Variants in CCDC169 observed in about 807,000 individuals in gnomAD.
The protein encoded by CCDC169 is coiled-coil domain-containing protein 169.
CCDC169 carries 30 observed loss-of-function variants against 36.0 expected under a neutral mutation model. The ratio of observed to expected loss-of-function variants is 0.83; its 90% confidence interval spans 0.62 to 1.13. The LOEUF (loss-of-function observed/expected upper bound fraction) is 1.13, where lower values mean the gene tolerates loss of function less well. Among genes scored for constraint, CCDC169 ranks in the 50% most tolerant of loss-of-function variants. The pLI, the probability that CCDC169 is intolerant of heterozygous loss-of-function variation, is 0.00. For missense variants in CCDC169, 245 were observed against 245.9 expected (o/e 1.00, Z 0.03); for synonymous variants, 85 against 81.5 (o/e 1.04, Z -0.23).
chr13:36,245,971 T>G (rs906958005), intron 7 of CCDC169, among the ~76,000 whole-genome samples: 1 of 152,228 alleles, frequency 6.6e-6, no homozygotes, highest in African/African-American at 2.4e-5. Flanking sequence ...TTGATGTTAC[T>G]ACTGTAATTG....
intron 4 of CCDC169, among the ~76,000 whole-genome samples, chr13:36,264,461 C>G (rs1875014517): frequency 6.6e-6 from 1 of 151,812 alleles, no homozygotes; most frequent in Admixed American, 6.6e-5. Context: ...AGGGAAGGAC[C>G]TGGATAAAGA....
At chr13:36,268,405 T>C (rs1219076224) in intron 4 of CCDC169, among the ~76,000 whole-genome samples, 1 of 152,166 alleles carries the variant, frequency 6.6e-6, no homozygotes, top group Non-Finnish European at 1.5e-5. Flanking sequence ...GATGGAAATT[T>C]AGAAATTCTT....
chr13:36,231,489 G>A (rs1209410432), intron 7 of CCDC169, among the ~76,000 whole-genome samples, 197 bp from the exon 8 acceptor site: 1 of 152,112 alleles, frequency 6.6e-6, no homozygotes, highest in African/African-American at 2.4e-5. Flanking sequence ...CATCTCCACC[G>A]CTACAGAGGC....
chr13:36,261,097 CAG>C (rs1424161398), intron 4 of CCDC169, among the ~76,000 whole-genome samples: 1 of 152,092 alleles, frequency 6.6e-6, no homozygotes, highest in Non-Finnish European at 1.5e-5. Context: ...TAATTTTCAC[CAG>C]AGAGCACCCA....
At chr13:36,258,765 G>A (rs1874242915) in intron 4 of CCDC169, among the ~76,000 whole-genome samples, 1 of 152,142 alleles carries the variant, frequency 6.6e-6, no homozygotes, top group South Asian at 2.1e-4. Flanking sequence ...CTGCTCTGCT[G>A]ATGGAGTGGC....
downstream of CCDC169, among the ~76,000 whole-genome samples, chr13:36,228,123 C>CAAA (rs1870046513): frequency 6.6e-6 from 1 of 152,182 alleles, no homozygotes; most frequent in Non-Finnish European, 1.5e-5. Flanking sequence ...AATGGTGCCA[C>CAAA]AAACCTTCCT....
chr13:36,296,470 A>G (rs1879500739), intron 1 of CCDC169, among the ~76,000 whole-genome samples: 1 of 152,248 alleles, frequency 6.6e-6, no homozygotes, highest in South Asian at 2.1e-4. Flanking sequence ...CAAGCAAATT[A>G]GGCACTGCAC....
intron 7 of CCDC169, among the ~76,000 whole-genome samples, chr13:36,231,746 G>A (rs1870455302): frequency 6.6e-6 from 1 of 152,180 alleles, no homozygotes; most frequent in South Asian, 2.1e-4. Context: ...GCAGCAAAAT[G>A]ACAGAGTCAT....
At chr13:36,296,631 A>G (rs1222543165) in intron 1 of CCDC169, among the ~76,000 whole-genome samples, 7 of 152,226 alleles carry the variant, frequency 4.6e-5, no homozygotes, top group African/African-American at 1.7e-4. Context: ...TTCAATAAAT[A>G]TTTTTGAGTG....
intron 4 of CCDC169, among the ~76,000 whole-genome samples, chr13:36,256,934 G>C (rs1290579108): frequency 6.6e-6 from 1 of 152,188 alleles, no homozygotes; most frequent in Non-Finnish European, 1.5e-5. Flanking sequence ...CCCACAGGTG[G>C]GCCAGCAGCA....
intron 4 of CCDC169, chr13:36,281,317 T>C (rs998418391): frequency 3.2e-5 from 14 of 438,578 alleles, no homozygotes; most frequent in Non-Finnish European, 5.4e-5. Context: ...TGTTTAAACC[T>C]TTCTCTTACA....
chr13:36,287,769 T>C (rs971757838), intron 2 of CCDC169, among the ~76,000 whole-genome samples: 1 of 152,180 alleles, frequency 6.6e-6, no homozygotes, highest in Non-Finnish European at 1.5e-5. Flanking sequence ...TTTGTATCAG[T>C]GTGTATACAA....
At chr13:36,284,216 C>G (rs1046760613) in intron 2 of CCDC169, among the ~76,000 whole-genome samples, 34 of 151,906 alleles carry the variant, frequency 2.2e-4, no homozygotes, top group East Asian at 1.2e-3. Context: ...CATTACTAAC[C>G]TATCCAATGT....
At chr13:36,264,265 G>T (rs545327994) in intron 4 of CCDC169, among the ~76,000 whole-genome samples, 8 of 152,082 alleles carry the variant, frequency 5.3e-5, no homozygotes, top group Non-Finnish European at 1.2e-4. Context: ...TACTTCAGAA[G>T]TTTTTAAAAG....
downstream of CCDC169, chr13:36,227,376 A>T (rs968408011): frequency 6.5e-7 from 1 of 1,544,764 alleles, no homozygotes; most frequent in African/African-American, 1.4e-5. Context: ...TTCTTTTAAG[A>T]GGAGGCTGTT....
chr13:36,275,271 A>G (rs1876641016), intron 4 of CCDC169, among the ~76,000 whole-genome samples: 2 of 152,228 alleles, frequency 1.3e-5, no homozygotes, highest in South Asian at 2.1e-4. Flanking sequence ...GGAGAATACA[A>G]TGTAGTTAAG....
At chr13:36,273,257 C>T (rs1301604164) in intron 4 of CCDC169, among the ~76,000 whole-genome samples, 1 of 152,182 alleles carries the variant, frequency 6.6e-6, no homozygotes, top group Non-Finnish European at 1.5e-5. Flanking sequence ...TCAAACTCAA[C>T]TTCACCTATT....
Position 36,231,012 on chromosome 13 carries a change from A to AC in CCDC169, c.*180dup. On this transcript the variant is annotated 3_prime_UTR_variant, in exon 8 of 8. Coordinates refer to ENST00000239859, the MANE Select transcript of CCDC169 (RefSeq NM_001144981.3). Reference sequence around the variant, plus strand: ...CACTTCTATTACATAGTTTAGGGTCACTGGAGAAAATTACTTTTATGCAGA... The same window carrying AC: ...CACTTCTATTACATAGTTTAGGGTCACCTGGAGAAAATTACTTTTATGCAGA... 7.2e-7 allele frequency: 1 copy of AC among 1,390,026 alleles called. No individual in the cohort carries two copies. The highest frequency in any genetic ancestry group is 1.6e-5 in the South Asian group (1 of 60,872). 86.1% of individuals were successfully genotyped at this position (1,390,026 alleles called of 1,614,324 possible).
intron 7 of CCDC169, among the ~76,000 whole-genome samples, chr13:36,234,367 C>T (rs1334431493): frequency 1.3e-5 from 2 of 151,988 alleles, no homozygotes; most frequent in African/African-American, 4.8e-5. Context: ...TCAACTATAC[C>T]AACATATGTA....
Sources: gnomAD v4.1 joint callset for allele counts (sites outside exome capture counted in the v4.1 genomes callset) on GRCh38, gnomAD v4.1.1 for gene constraint, MANE v1.5 for transcripts, NCBI Gene and HGNC (gene_info 2026-07-23, HGNC 2026-07-21) for gene names.